The following PPP2R1B variants were observed in gnomAD, a reference collection of about 807,000 sequenced individuals.
PPP2R1B encodes protein phosphatase 2 scaffold subunit Abeta.
PPP2R1B carries 58 observed loss-of-function variants against 72.7 expected under a neutral mutation model. The observed-to-expected ratio is 0.80, with a 90% confidence interval of 0.65 to 0.99. The LOEUF (loss-of-function observed/expected upper bound fraction) is 0.99, where lower values mean the gene tolerates loss of function less well. Ranked by LOEUF, PPP2R1B falls within the 50% of genes least tolerant of loss-of-function variation. PPP2R1B has a pLI of 0.00. For synonymous variants in PPP2R1B, 256 were observed against 264.6 expected, an observed-to-expected ratio of 0.97 and a Z score of 0.32; for missense variants, 695 against 733.6, an observed-to-expected ratio of 0.95 and a Z score of 0.61.
the PPP2R1B span, among the ~76,000 whole-genome samples, chr11:111,700,561 C>G: frequency 8.5e-5 from 13 of 152,302 alleles, no homozygotes; most frequent in East Asian, 1.9e-3. Flanking sequence ...AATTGAAATT[C>G]TAAGATTATC....
chr11:111,747,857 G>A, intron 11 of PPP2R1B, 97 bp downstream of exon 11: 1 of 1,166,006 alleles, frequency 8.6e-7, no homozygotes, highest in Non-Finnish European at 1.2e-6. Context: ...ACAATATTAA[G>A]GCAAAATATC....
At chr11:111,720,777 C>T in the PPP2R1B span, 1 of 1,575,410 alleles carries the variant, frequency 6.3e-7, no homozygotes. Context: ...GCACTTCCTC[C>T]TCTGCTTTTT....
chr11:111,757,687 T>C (rs1945174579), intron 5 of PPP2R1B, among the ~76,000 whole-genome samples: 1 of 151,844 alleles, frequency 6.6e-6, no homozygotes, highest in Admixed American at 6.6e-5. Context: ...TACAAAAAAT[T>C]AGCCAGTCAT....
chr11:111,758,339 C>T (rs1265236435), intron 5 of PPP2R1B, among the ~76,000 whole-genome samples: 1 of 152,142 alleles, frequency 6.6e-6, no homozygotes, highest in East Asian at 1.9e-4. Context: ...CGCCTGTAAT[C>T]CCAGCACTTT....
In PPP2R1B at chr11:111,737,897, TAA is replaced by T; in HGVS notation, c.*3697_*3698del. The T allele has an allele frequency of 9.1e-7, 1 of 1,104,836 alleles. No homozygotes were observed. The highest frequency in any genetic ancestry group is 1.1e-6 in the Non-Finnish European group (1 of 901,780). 68.4% of individuals were successfully genotyped at this position (1,104,836 alleles called of 1,614,324 possible). Reference sequence around the variant, plus strand: ...GCTCCTTTCAGAACTCATATCAGTTTAAGAGAACAACTCTGGAGACAGAAATG... The same window carrying T: ...GCTCCTTTCAGAACTCATATCAGTTTGAGAACAACTCTGGAGACAGAAATG... On this transcript the variant is annotated 3_prime_UTR_variant, in exon 15 of 15. Transcript: ENST00000527614.
At chr11:111,763,866 C>CTATA (rs768463010) in intron 3 of PPP2R1B, among the ~76,000 whole-genome samples, 1 of 150,882 alleles carries the variant, frequency 6.6e-6, no homozygotes, top group Non-Finnish European at 1.5e-5. Context: ...CTCTCTCTCT[C>CTATA]TCTATATATA....
At chr11:111,705,290 GT>G in the PPP2R1B span, 2 of 732,638 alleles carry the variant, frequency 2.7e-6, no homozygotes, top group Non-Finnish European at 3.9e-6. The surrounding 1 kb of genome is among the most constrained non-coding windows in gnomAD (Gnocchi z 4.3). Context: ...ATTCTCAAAT[GT>G]TTTAGCACTT....
At chr11:111,745,857 A>G (rs946482254) in intron 11 of PPP2R1B, among the ~76,000 whole-genome samples, 1 of 152,228 alleles carries the variant, frequency 6.6e-6, no homozygotes, top group African/African-American at 2.4e-5. Flanking sequence ...CAAAAACTCT[A>G]ACTGATCCAG....
downstream of PPP2R1B, among the ~76,000 whole-genome samples, chr11:111,722,159 C>T (rs150400059): frequency 4.7e-4 from 72 of 152,256 alleles, no homozygotes; most frequent in African/African-American, 1.7e-3. The surrounding 1 kb of genome is among the most constrained non-coding windows in gnomAD (Gnocchi z 4.4). Flanking sequence ...TCAAGCCCCA[C>T]GAAAGGATAT....
At chr11:111,724,197 T>A, downstream of PPP2R1B, 1 of 1,524,904 alleles carries the variant, frequency 6.6e-7, no homozygotes. Flanking sequence ...ATTCCAGCCT[T>A]TTAAATTTAA....
At position 111,740,117 on chromosome 11, in the gene PPP2R1B, A is replaced by G; in HGVS notation, c.*1479T>C. The stretch of plus-strand genomic sequence containing the variant: ...TCAACAATTCAAAAACCAAAAGGGT[A>G]ACAAGCAAACCTCATAGCAAGATGC... On this transcript the variant is annotated 3_prime_UTR_variant, in exon 15 of 15. Transcript: ENST00000527614. The G allele has an allele frequency of 1.0e-6, 1 of 985,470 alleles. No individual in the cohort carries two copies. Among genetic ancestry groups the G allele is most frequent in the Non-Finnish European group, 1.2e-6 (1 of 829,920 alleles). 61.0% of individuals were successfully genotyped at this position (985,470 alleles called of 1,614,324 possible).
chr11:111,761,453 A>AT (rs1390401049), intron 3 of PPP2R1B, among the ~76,000 whole-genome samples: 3 of 152,228 alleles, frequency 2.0e-5, no homozygotes, highest in Non-Finnish European at 2.9e-5. Flanking sequence ...CAAATACAGG[A>AT]TAACAGCTTG....
the PPP2R1B span, among the ~76,000 whole-genome samples, chr11:111,695,034 A>G: frequency 6.6e-6 from 1 of 152,210 alleles, no homozygotes; most frequent in African/African-American, 2.4e-5. Context: ...GGTGGGCAAC[A>G]AAGTATGCAT....
rs1156578249 is a variant in PPP2R1B at position 111,742,649 on chromosome 11, C to A, written c.1571G>T (p.Cys524Phe). The change falls in exon 13 of 15, where the codon TGT (cysteine) becomes TTT (phenylalanine). Residue 524 changes from cysteine (C) to phenylalanine (F), a missense_variant. Transcript: ENST00000527614. Reference protein sequence around the residue: ...LFCINALSEACGQEITTKQML... With the variant: ...LFCINALSEAFGQEITTKQML... ...TTGCTTAGTAGTTATTTCCTGACCACAGGCCTCAGACAGTGCCTAGAAAAA... is the reference window on the plus strand; with the variant it reads ...TTGCTTAGTAGTTATTTCCTGACCAAAGGCCTCAGACAGTGCCTAGAAAAA... The A allele has an allele frequency of 6.2e-7, 1 of 1,612,742 alleles. No individual in the cohort carries two copies.
At position 111,742,735 on chromosome 11, in the gene PPP2R1B, A is replaced by G. The variant is rs576533070; in HGVS notation, c.1555-70T>C. On this transcript the variant is annotated intron_variant, in intron 12 of 14. Transcript: ENST00000527614. ...TTCCAAAATCTAATGAAACAAATTA[A>G]TATTTAATAAGAAAATAATTGACCA... 5.9e-6 allele frequency: 8 copies of G among 1,355,488 alleles called. No homozygotes were observed. The African/African-American group carries it at 8.8e-5, about 15-fold the overall frequency. The allele number at this position is 1,355,488 out of a possible 1,614,324, so 84.0% of individuals were successfully genotyped here.
the PPP2R1B span, among the ~76,000 whole-genome samples, chr11:111,688,539 G>C: frequency 9.8e-5 from 15 of 152,298 alleles, no homozygotes; most frequent in African/African-American, 3.4e-4. The surrounding 1 kb of genome is among the most constrained non-coding windows in gnomAD (Gnocchi z 4.2). Context: ...GATGGCTACA[G>C]CCAGAAGCAG....
At chr11:111,701,991 C>T in the PPP2R1B span, among the ~76,000 whole-genome samples, 1 of 152,172 alleles carries the variant, frequency 6.6e-6, no homozygotes, top group Non-Finnish European at 1.5e-5. This position sits in a 1 kb window ranked among gnomAD's most constrained non-coding sequence, Gnocchi z 4.2. Context: ...GCCATAATCC[C>T]TGCCTGTCGT....
the PPP2R1B span, among the ~76,000 whole-genome samples, chr11:111,694,897 T>C: frequency 6.6e-6 from 1 of 152,186 alleles, no homozygotes; most frequent in Non-Finnish European, 1.5e-5. Context: ...ACTGGACAAA[T>C]AGATGTCTTA....
At position 111,739,711 on chromosome 11, in the gene PPP2R1B, T is replaced by C. The variant is rs1944456622; in HGVS notation, c.*1885A>G. On this transcript the variant is annotated 3_prime_UTR_variant, in exon 15 of 15. Coordinates refer to ENST00000527614, the MANE Select transcript of PPP2R1B (RefSeq NM_002716.5). Reference sequence around the variant, plus strand: ...TCTGCTTCATGAAGACAAATGTCTCTCAAATATGAAATTCAATGAAGAAGA... The same window carrying C: ...TCTGCTTCATGAAGACAAATGTCTCCCAAATATGAAATTCAATGAAGAAGA... 3.0e-6 allele frequency: 3 copies of C among 985,034 alleles called. No homozygotes were observed. Among genetic ancestry groups the C allele is most frequent in the Non-Finnish European group, 3.6e-6 (3 of 829,744 alleles). The allele number at this position is 985,034 out of a possible 1,614,324, so 61.0% of individuals were successfully genotyped here. A position where few individuals can be genotyped will look rare whatever the true frequency, so the allele number is the denominator to read the frequency against.
Sources: allele counts gnomAD v4.1 joint callset (sites outside exome capture counted in the v4.1 genomes callset), GRCh38; gene constraint gnomAD v4.1.1; non-coding constraint Gnocchi (gnomAD v3.1); transcripts MANE v1.5; gene names NCBI Gene and HGNC (gene_info 2026-07-23, HGNC 2026-07-21).